The following NALCN variants were observed in gnomAD, a reference collection of about 807,000 sequenced individuals.
The protein encoded by NALCN is sodium leak channel, non-selective, also known as sodium leak channel NALCN.
In NALCN, 111 loss-of-function variants were observed where a neutral mutation model predicts 225.3. The ratio of observed to expected loss-of-function variants is 0.49; its 90% confidence interval spans 0.42 to 0.58. The LOEUF is 0.58. Among genes scored for constraint, NALCN ranks in the 20% least tolerant of loss-of-function variants. The probability of loss-of-function intolerance (pLI) is 0.00; values close to 1 mark genes in which losing one functional copy is unlikely to be tolerated. For synonymous variants in NALCN, 764 were observed against 769.0 expected, an observed-to-expected ratio of 0.99 and a Z score of 0.11; for missense variants, 1,378 against 2,202.4, an observed-to-expected ratio of 0.63 and a Z score of 7.49.
chr13:101,344,258 G>A (rs1168263082), intron 7 of NALCN, among the ~76,000 whole-genome samples: 1 of 152,132 alleles, frequency 6.6e-6, no homozygotes, highest in Non-Finnish European at 1.5e-5. Context: ...AATTGAAATT[G>A]CTTCACATCA....
intron 27 of NALCN, among the ~76,000 whole-genome samples, chr13:101,097,369 C>T (rs144774005): frequency 6.6e-6 from 1 of 152,124 alleles, no homozygotes; most frequent in South Asian, 2.1e-4. Context: ...CATAACCATA[C>T]CTTTTTATGT....
chr13:101,313,507 G>A (rs2044434003), intron 7 of NALCN, among the ~76,000 whole-genome samples: 1 of 152,120 alleles, frequency 6.6e-6, no homozygotes, highest in Non-Finnish European at 1.5e-5. Flanking sequence ...CAAAAAGTGG[G>A]TGAAGGATAT....
chr13:101,100,956 G>C, intron 26 of NALCN, 68 bp from the exon 27 acceptor site: 5 of 1,225,710 alleles, frequency 4.1e-6, no homozygotes, highest in Non-Finnish European at 5.7e-6. Flanking sequence ...TTTAAACAGT[G>C]ACATAAATAG....
intron 15 of NALCN, among the ~76,000 whole-genome samples, chr13:101,154,452 C>T (rs991163229): frequency 2.0e-5 from 3 of 152,216 alleles, no homozygotes; most frequent in Non-Finnish European, 4.4e-5. Flanking sequence ...TTAGACACAT[C>T]TTCCAGGACC....
At chr13:101,081,415 C>G (rs997905504) in intron 34 of NALCN, 112 bp downstream of exon 34, 2 of 1,490,968 alleles carry the variant, frequency 1.3e-6, no homozygotes, top group Non-Finnish European at 1.8e-6. Context: ...GGAGGTCCAT[C>G]TAACACCTCA....
rs1257373041 is a variant in NALCN at position 101,092,072 on chromosome 13, ATTATTGTCATTTTTACCTGCTAC to A, written c.3270-2129_3270-2107del. ...CTTCAATAAATCCCAAATGCCATCT[ATTATTGTCATTTTTACCTGCTAC>A]CCTTCCTTGAATTGAAAAGGTTGTC... On this transcript the variant is annotated intron_variant, in intron 28 of 43. Transcript: ENST00000251127. Among the ~76,000 whole-genome samples, 208 of 152,274 alleles carry A rather than the reference ATTATTGTCATTTTTACCTGCTAC, an allele frequency of 1.4e-3. 1 individual carries two copies. Among genetic ancestry groups the A allele is most frequent in the African/African-American group, 4.8e-3 (199 of 41,560 alleles).
At chr13:101,146,180 G>A (rs867138793) in intron 15 of NALCN, among the ~76,000 whole-genome samples, 2 of 152,128 alleles carry the variant, frequency 1.3e-5, no homozygotes, top group African/African-American at 2.4e-5. Context: ...TGCAGAAATC[G>A]CTCTTATGTT....
chr13:101,315,370 TATGC>T (rs2044517427), intron 7 of NALCN, among the ~76,000 whole-genome samples: 1 of 152,190 alleles, frequency 6.6e-6, no homozygotes, highest in African/African-American at 2.4e-5. Context: ...TTTATGTATG[TATGC>T]ATGCATGTAT....
chr13:101,062,526 C>G (rs563799001), intron 40 of NALCN, among the ~76,000 whole-genome samples: 2 of 152,258 alleles, frequency 1.3e-5, no homozygotes, highest in Middle Eastern at 3.4e-3. Flanking sequence ...CTCGGCTGTG[C>G]GTCACACATC....
At chr13:101,320,162 TC>T (rs2044695315) in intron 7 of NALCN, among the ~76,000 whole-genome samples, 1 of 152,212 alleles carries the variant, frequency 6.6e-6, no homozygotes, top group African/African-American at 2.4e-5. Context: ...CTTCAGGTAT[TC>T]AATTTACAAC....
At chr13:101,322,577 G>T (rs1224429927) in intron 7 of NALCN, among the ~76,000 whole-genome samples, 1 of 152,114 alleles carries the variant, frequency 6.6e-6, no homozygotes, top group Non-Finnish European at 1.5e-5. Context: ...CGTAGCAGAA[G>T]GTTGGACTTG....
intron 1 of NALCN, among the ~76,000 whole-genome samples, chr13:101,414,396 T>C (rs1817721527): frequency 6.6e-6 from 1 of 151,460 alleles, no homozygotes; most frequent in Non-Finnish European, 1.5e-5. Flanking sequence ...AGATGTGAAT[T>C]TTCATTCACA....
Position 101,151,906 on chromosome 13 carries a change from C to T in NALCN, c.1840-7010G>A, listed in dbSNP as rs985134748. Among the ~76,000 whole-genome samples, 11 of 152,208 alleles carry T rather than the reference C, an allele frequency of 7.2e-5. No individual in the cohort carries two copies. The South Asian group carries it at 1.9e-3, about 26-fold the overall frequency. On this transcript the variant is annotated intron_variant, in intron 15 of 43. Transcript: ENST00000251127. Reference sequence around the variant, plus strand: ...ATATCCCTCACTGGCCTGTGAAATCCAATACAGAATTTCTTCAGGTGGGTG... The same window carrying T: ...ATATCCCTCACTGGCCTGTGAAATCTAATACAGAATTTCTTCAGGTGGGTG...
chr13:101,288,281 A>G (rs2043415055), intron 9 of NALCN, among the ~76,000 whole-genome samples: 1 of 152,212 alleles, frequency 6.6e-6, no homozygotes, highest in African/African-American at 2.4e-5. Flanking sequence ...TTGTTTTCTC[A>G]CATATTTTAA....
At chr13:101,212,227 G>T (rs2140080544) in intron 13 of NALCN, among the ~76,000 whole-genome samples, 1 of 152,118 alleles carries the variant, frequency 6.6e-6, no homozygotes, top group South Asian at 2.1e-4. Flanking sequence ...CACCCCTAAA[G>T]ACAAATCTTT....
intron 15 of NALCN, among the ~76,000 whole-genome samples, chr13:101,154,376 T>G (rs1372728178): frequency 6.6e-6 from 1 of 152,234 alleles, no homozygotes; most frequent in African/African-American, 2.4e-5. Flanking sequence ...GTGAATCTTG[T>G]GCCTGTTATT....
At chr13:101,095,426 A>G (rs2034449346) in intron 28 of NALCN, 148 bp downstream of exon 28, 1 of 580,090 alleles carries the variant, frequency 1.7e-6, no homozygotes, top group Non-Finnish European at 2.9e-6. Context: ...ATCTTCCAAT[A>G]TAATCTAGCG....
intron 38 of NALCN, 92 bp from the exon 39 acceptor site, chr13:101,068,125 C>T: frequency 2.5e-6 from 2 of 802,888 alleles, no homozygotes; most frequent in South Asian, 1.8e-5. Context: ...ATAATGGATT[C>T]TATCACCTAT....
intron 4 of NALCN, among the ~76,000 whole-genome samples, chr13:101,378,292 G>A (rs1214530722): frequency 1.3e-5 from 2 of 152,046 alleles, no homozygotes; most frequent in African/African-American, 2.4e-5. Context: ...TAATTATGCA[G>A]ATTTGATCAT....
Sources: gnomAD v4.1 joint callset for allele counts (sites outside exome capture counted in the v4.1 genomes callset) on GRCh38, gnomAD v4.1.1 for gene constraint, MANE v1.5 for transcripts, NCBI Gene and HGNC (gene_info 2026-07-23, HGNC 2026-07-21) for gene names.